EPHA6: variants seen among roughly 807,000 people sequenced by gnomAD.
EPHA6 encodes the protein EPH receptor A6, also known as ephrin type-A receptor 6.
A neutral mutation model predicts 112.0 loss-of-function variants in EPHA6; 50 were observed. The observed-to-expected ratio is 0.45, with a 90% CI of 0.36 to 0.56. EPHA6 has a LOEUF of 0.56. Ranked by LOEUF, EPHA6 falls within the 20% of genes least tolerant of loss-of-function variation. The pLI is 0.00. For missense variants in EPHA6, 1,280 were observed against 1,417.4 expected, an observed-to-expected ratio of 0.90 and a Z score of 1.56; for synonymous variants, 529 against 490.7, an observed-to-expected ratio of 1.08 and a Z score of -1.03.
intron 2 of EPHA6, among the ~76,000 whole-genome samples, chr3:96,926,342 A>C (rs1172553260): frequency 1.3e-5 from 2 of 152,192 alleles, no homozygotes; most frequent in East Asian, 3.9e-4. Context: ...ACAATTAGAG[A>C]TATATTTGGG....
intron 3 of EPHA6, among the ~76,000 whole-genome samples, chr3:97,007,379 A>G (rs551188305): frequency 1.3e-5 from 2 of 148,182 alleles, no homozygotes; most frequent in Non-Finnish European, 3.0e-5. Flanking sequence ...GTCTTTTTTG[A>G]TCTCTGTTGG....
chr3:96,818,707 A>G (rs970955960), intron 1 of EPHA6, among the ~76,000 whole-genome samples: 5 of 151,952 alleles, frequency 3.3e-5, no homozygotes, highest in African/African-American at 1.2e-4. Context: ...CATTGAGGAA[A>G]TTTTTAAAGA....
chr3:96,900,053 C>T (rs755603963), intron 2 of EPHA6, among the ~76,000 whole-genome samples: 1 of 152,066 alleles, frequency 6.6e-6, no homozygotes, highest in Admixed American at 6.6e-5. Flanking sequence ...TTACACAGGC[C>T]GTTTCCTTTT....
chr3:97,005,006 G>A lies in EPHA6; in HGVS notation c.1114+17013G>A, dbSNP rs2043822846. Among the ~76,000 whole-genome samples the A allele has an allele frequency of 2.6e-5, 4 of 152,256 alleles. No individual in the cohort carries two copies. In the South Asian group the frequency reaches 8.3e-4, roughly 32 times the overall value. On this transcript the variant is annotated intron_variant, in intron 3 of 17. Coordinates refer to ENST00000389672, the MANE Select transcript of EPHA6 (RefSeq NM_001080448.3). ...TTGGCATCAGTACCATGCGGTTTTGGTTACTGTAGTCTTGTAGTACAGTTT... is the reference window on the plus strand; with the variant it reads ...TTGGCATCAGTACCATGCGGTTTTGATTACTGTAGTCTTGTAGTACAGTTT...
intron 11 of EPHA6, among the ~76,000 whole-genome samples, chr3:97,560,829 T>G (rs57298131): frequency 0.28 from 42,602 of 152,020 alleles, 9,344 homozygotes; most frequent in African/African-American, 0.6. Flanking sequence ...CTGAAGGTTT[T>G]TGGCAACATT....
rs760340422 is a variant in EPHA6, at chr3:96,987,771, T to C, written c.892T>C (p.Tyr298His). The change falls in exon 3 of 18, where the codon TAC (tyrosine) becomes CAC (histidine). Residue 298 changes from tyrosine to histidine, a missense_variant. Coordinates refer to ENST00000389672, the MANE Select transcript of EPHA6 (RefSeq NM_001080448.3). ...CIALVSVRVFYKKCPFTVRNL... is the reference protein window; with the variant it reads ...CIALVSVRVFHKKCPFTVRNL... ...TGCCCTGGTTTCAGTCCGTGTTTTC[T>C]ACAAGAAATGCCCCTTCACTGTTCG... 1 of 1,614,012 alleles carries C rather than the reference T, an allele frequency of 6.2e-7. No individual in the cohort carries two copies. The highest frequency in any genetic ancestry group is 1.1e-5 in the South Asian group (1 of 91,066).
At chr3:97,316,526 A>G (rs576103405) in intron 5 of EPHA6, among the ~76,000 whole-genome samples, 1 of 151,986 alleles carries the variant, frequency 6.6e-6, no homozygotes, top group South Asian at 2.1e-4. Context: ...TGATCCCCTT[A>G]AGAGCATAGT....
At chr3:97,412,397 T>C (rs2087783462) in intron 6 of EPHA6, among the ~76,000 whole-genome samples, 1 of 152,088 alleles carries the variant, frequency 6.6e-6, no homozygotes, top group African/African-American at 2.4e-5. Context: ...TGCTTCCATA[T>C]TCCTAGTCAT....
chr3:96,815,619 A>C (rs1302731365), intron 1 of EPHA6, among the ~76,000 whole-genome samples: 1 of 152,120 alleles, frequency 6.6e-6, no homozygotes, highest in African/African-American at 2.4e-5. Flanking sequence ...AAAAGGGTTT[A>C]GGGTGAATTT....
chr3:96,835,138 C>G (rs959138449), intron 1 of EPHA6, among the ~76,000 whole-genome samples: 8 of 151,990 alleles, frequency 5.3e-5, no homozygotes, highest in African/African-American at 1.9e-4. Context: ...AGTTCCCTAC[C>G]TTTGGAATTC....
intron 2 of EPHA6, among the ~76,000 whole-genome samples, chr3:96,925,000 T>C (rs114153479): frequency 2.4e-3 from 359 of 152,230 alleles, no homozygotes; most frequent in Non-Finnish European, 3.8e-3. Context: ...TTAATTGTGG[T>C]GGATAATTGT....
chr3:97,049,728 G>T (rs932487156), intron 3 of EPHA6, among the ~76,000 whole-genome samples: 2 of 152,146 alleles, frequency 1.3e-5, no homozygotes, highest in African/African-American at 4.8e-5. Flanking sequence ...GAGGGCCTCA[G>T]GCTATTTCCA....
intron 13 of EPHA6, among the ~76,000 whole-genome samples, chr3:97,634,823 C>A (rs964736052): frequency 6.6e-6 from 1 of 152,084 alleles, no homozygotes; most frequent in African/African-American, 2.4e-5. Context: ...CTGCCCAATC[C>A]TGCTTTCTTC....
chr3:96,953,252 T>G (rs1222440023), intron 2 of EPHA6, among the ~76,000 whole-genome samples: 1 of 152,156 alleles, frequency 6.6e-6, no homozygotes, highest in East Asian at 1.9e-4. Context: ...GAAAAATGTA[T>G]ATTTCTAATT....
At chr3:97,592,859 G>T in intron 12 of EPHA6, 122 bp downstream of exon 12, 1 of 1,143,216 alleles carries the variant, frequency 8.7e-7, no homozygotes, top group South Asian at 2.2e-5. Flanking sequence ...AAATGTAAGT[G>T]ACTGCTTAAA....
rs531498264 is a variant in EPHA6, at chr3:97,508,668, T to C, written c.2201-23690T>C. ...GGTGGAGAGTTCTATAGATGTCTAT[T>C]AGGTCCACTTGGTCCAGAGCTGAGT... On this transcript the variant is annotated intron_variant, in intron 10 of 17. Transcript: ENST00000389672. Among the ~76,000 whole-genome samples the C allele has an allele frequency of 7.2e-5, 11 of 152,282 alleles. No individual in the cohort carries two copies. The South Asian group carries it at 2.3e-3, about 32-fold the overall frequency.
chr3:97,079,693 A>G (rs1294861887), intron 3 of EPHA6, among the ~76,000 whole-genome samples: 1 of 152,004 alleles, frequency 6.6e-6, no homozygotes, highest in African/African-American at 2.4e-5. Flanking sequence ...AATGCTGTCA[A>G]ATAACATTGA....
At chr3:97,226,811 C>T (rs530149778) in intron 4 of EPHA6, among the ~76,000 whole-genome samples, 4 of 152,156 alleles carry the variant, frequency 2.6e-5, no homozygotes, top group East Asian at 1.9e-4. Context: ...ATATAGTTAA[C>T]GCGTGAGGGA....
chr3:97,287,433 C>G (rs1352073531), intron 5 of EPHA6, among the ~76,000 whole-genome samples: 1 of 151,738 alleles, frequency 6.6e-6, no homozygotes, highest in African/African-American at 2.4e-5. Context: ...CCACTGCACT[C>G]CAGCGTGGGC....
Sources: gnomAD v4.1 joint callset for allele counts (sites outside exome capture counted in the v4.1 genomes callset) on GRCh38, gnomAD v4.1.1 for gene constraint, MANE v1.5 for transcripts, NCBI Gene and HGNC (gene_info 2026-07-23, HGNC 2026-07-21) for gene names.